The following ARHGEF9 variants were observed in gnomAD, a reference collection of about 807,000 sequenced individuals.
ARHGEF9 encodes the protein rho guanine nucleotide exchange factor 9.
Under a neutral mutation model 41.3 loss-of-function variants are expected in ARHGEF9, and 2 were observed. The ratio of observed to expected loss-of-function variants is 0.05; its 90% CI spans 0.02 to 0.15. The LOEUF (loss-of-function observed/expected upper bound fraction) is 0.15, where lower values mean the gene tolerates loss of function less well. Ranked by LOEUF, ARHGEF9 falls within the 10% of genes least tolerant of loss-of-function variation. The pLI, the probability that ARHGEF9 is intolerant of heterozygous loss-of-function variation, is 1.00. For synonymous variants in ARHGEF9, 160 were observed against 154.4 expected (o/e 1.04, Z -0.27); for missense variants, 225 against 424.7 (o/e 0.53, Z 4.13).
At chrX:63,701,769 CAT>C (rs2052198937) in intron 3 of ARHGEF9, 1 of 111,487 alleles carries the variant, frequency 9.0e-6, no homozygotes, top group Non-Finnish European at 1.9e-5. Flanking sequence ...AAGAAAAAAA[CAT>C]AAGAAACTCC....
At chrX:63,652,636 GTGA>G (rs2048620774) in intron 8 of ARHGEF9, among the ~76,000 whole-genome samples, 1 of 111,314 alleles carries the variant, frequency 9.0e-6, no homozygotes, top group Admixed American at 9.6e-5. Context: ...TAAGAAAAGT[GTGA>G]TGAATTTATT....
chrX:63,642,972 A>G (rs1237490365), intron 9 of ARHGEF9: 1 of 112,054 alleles, frequency 8.9e-6, no homozygotes, highest in Non-Finnish European at 1.9e-5. Flanking sequence ...CAGTTACTTC[A>G]CTCAAAGACC....
intron 1 of ARHGEF9, among the ~76,000 whole-genome samples, chrX:63,732,991 C>G (rs1369863415): frequency 4.5e-5 from 5 of 111,857 alleles, no homozygotes; most frequent in Non-Finnish European, 9.4e-5. Flanking sequence ...CTGCCTCTTT[C>G]AGTAACCTTA....
rs1416543360 is a variant in ARHGEF9 at position 63,636,884 on chromosome X, C to T, written c.*1144G>A. ...TTGATCAGGTGGGCTCTGTCTTGAA[C>T]CCCTCCATACTTCTATCAATGCTGC... On this transcript the variant is annotated 3_prime_UTR_variant, in exon 10 of 10. Transcript: ENST00000671741. The T allele has an allele frequency of 2.0e-5, 6 of 295,420 alleles. No homozygotes were observed. The highest frequency in any genetic ancestry group is 5.5e-5 in the African/African-American group (2 of 36,222). 24.3% of individuals were successfully genotyped at this position (295,420 alleles called of 1,213,427 possible). A position where few individuals can be genotyped will look rare whatever the true frequency, so the allele number is the denominator to read the frequency against.
chrX:63,644,637 T>TA (rs1295223561), intron 8 of ARHGEF9, among the ~76,000 whole-genome samples: 50 of 105,854 alleles, frequency 4.7e-4, no homozygotes, highest in East Asian at 1.8e-3. Context: ...AACTTCAGGA[T>TA]AAAAAAAAAA....
At position 63,637,403 on chromosome X, in the gene ARHGEF9, C is replaced by G. The variant is rs2147110933; in HGVS notation, c.*625G>C. The G allele has an allele frequency of 3.4e-6, 1 of 293,996 alleles. No homozygotes were observed. The highest frequency in any genetic ancestry group is 4.8e-5 in the East Asian group (1 of 20,809). 24.2% of individuals were successfully genotyped at this position (293,996 alleles called of 1,213,427 possible). On this transcript the variant is annotated 3_prime_UTR_variant, in exon 10 of 10. Coordinates refer to ENST00000671741, the MANE Select transcript of ARHGEF9 (RefSeq NM_001353921.2). ...CTGGCATGACTGAGGACAGAGGATG[C>G]TGAAAAAAGGTTATTTGGGGCAACT... is the stretch of plus-strand genomic sequence containing the variant.
intron 1 of ARHGEF9, chrX:63,727,709 T>A (rs1171518560): frequency 8.9e-6 from 1 of 112,073 alleles, no homozygotes; most frequent in Non-Finnish European, 1.9e-5. Context: ...ATTATGATGA[T>A]GTTAGCTAAT....
rs2047283735 is a variant in ARHGEF9 at position 63,635,667 on chromosome X, T to A, written c.*2361A>T. 4 of 296,038 alleles carry A rather than the reference T, an allele frequency of 1.4e-5. No homozygotes were observed. Among genetic ancestry groups the A allele is most frequent in the Non-Finnish European group, 2.3e-5 (4 of 172,910 alleles). 24.4% of individuals were successfully genotyped at this position (296,038 alleles called of 1,213,427 possible). A position where few individuals can be genotyped will look rare whatever the true frequency, so the allele number is the denominator to read the frequency against. ...GAGAAGTGCGGGTTGAGAAGTAATA[T>A]CCCTGATCCTGGAGCCCTGGGCAGA... On this transcript the variant is annotated 3_prime_UTR_variant, in exon 10 of 10. Transcript: ENST00000671741.
At chrX:63,673,999 AT>A (rs1455869861) in intron 6 of ARHGEF9, 38 bp downstream of exon 6, 2 of 1,206,649 alleles carry the variant, frequency 1.7e-6, no homozygotes, top group Non-Finnish European at 2.2e-6. Context: ...TTGCCAAGCT[AT>A]TCAGATTTCC....
intron 1 of ARHGEF9, among the ~76,000 whole-genome samples, chrX:63,761,925 G>C (rs1382084310): frequency 8.9e-6 from 1 of 111,967 alleles, no homozygotes. Context: ...GGTAGAGAGA[G>C]AACTGGTTGG....
intron 2 of ARHGEF9, among the ~76,000 whole-genome samples, chrX:63,711,527 C>G (rs1416257995): frequency 9.0e-6 from 1 of 111,654 alleles, no homozygotes; most frequent in African/African-American, 3.3e-5. Flanking sequence ...TGATATTTGT[C>G]AAAGGTGCCA....
rs1848835314 is a variant in ARHGEF9 at position 63,688,398 on chromosome X, C to T, written c.582+8727G>A. Among the ~76,000 whole-genome samples the T allele has an allele frequency of 4.5e-5, 5 of 111,968 alleles. No homozygotes were observed. In the Admixed American group the frequency reaches 4.7e-4, roughly 11 times the overall value. On this transcript the variant is annotated intron_variant, in intron 4 of 9. Transcript: ENST00000671741. The stretch of plus-strand genomic sequence containing the variant: ...AGCCAGTTGTTCAATCTTAAAAGAA[C>T]ACTAATATGTATCAAGAAAACACCT...
At chrX:63,700,329 G>A (rs1255579743) in intron 3 of ARHGEF9, among the ~76,000 whole-genome samples, 3 of 111,780 alleles carry the variant, frequency 2.7e-5, no homozygotes, top group Non-Finnish European at 5.6e-5. Context: ...GAAATGATTA[G>A]CTCCCTGGAG....
chrX:63,646,531 G>C (rs1406921568), intron 8 of ARHGEF9, among the ~76,000 whole-genome samples: 13 of 111,876 alleles, frequency 1.2e-4, no homozygotes, highest in African/African-American at 3.9e-4. Context: ...TCAAAGATCA[G>C]ATGGTTGTAG....
At chrX:63,682,372 A>G (rs1280453699) in intron 4 of ARHGEF9, among the ~76,000 whole-genome samples, 1 of 109,742 alleles carries the variant, frequency 9.1e-6, no homozygotes, top group African/African-American at 3.3e-5. Flanking sequence ...AAAATTAGCC[A>G]GGCGTGGTGG....
chrX:63,700,204 C>T (rs782007394), intron 3 of ARHGEF9, among the ~76,000 whole-genome samples: 20 of 111,829 alleles, frequency 1.8e-4, no homozygotes, highest in Non-Finnish European at 3.8e-4. Context: ...ATGTAAACTG[C>T]CCTTATCAAA....
chrX:63,753,031 A>G (rs2055746295), intron 1 of ARHGEF9, among the ~76,000 whole-genome samples: 1 of 112,600 alleles, frequency 8.9e-6, no homozygotes, highest in African/African-American at 3.2e-5. Flanking sequence ...GAGAAAGAAA[A>G]TCAAAACGCA....
chrX:63,724,961 A>G (rs1447142775), intron 1 of ARHGEF9: 2 of 385,244 alleles, frequency 5.2e-6, no homozygotes, highest in Non-Finnish European at 4.5e-6. Flanking sequence ...CATGCTTTTT[A>G]TCCCTAATCA....
At chrX:63,647,144 G>A (rs2048157500) in intron 8 of ARHGEF9, among the ~76,000 whole-genome samples, 1 of 111,563 alleles carries the variant, frequency 9.0e-6, no homozygotes, top group African/African-American at 3.3e-5. Flanking sequence ...AGACGATGGG[G>A]TTTTCTAGAT....
Sources: allele counts gnomAD v4.1 joint callset (sites outside exome capture counted in the v4.1 genomes callset), GRCh38; gene constraint gnomAD v4.1.1; transcripts MANE v1.5; gene names NCBI Gene and HGNC (gene_info 2026-07-23, HGNC 2026-07-21).